CNBD2: variants seen among roughly 807,000 people sequenced by gnomAD.
The protein encoded by CNBD2 is cyclic nucleotide-binding domain-containing protein 2.
CNBD2 carries 64 observed loss-of-function variants against 63.7 expected under a neutral mutation model. The observed-to-expected ratio is 1.00, with a 90% CI of 0.82 to 1.24. CNBD2 has a LOEUF of 1.24. Among genes scored for constraint, CNBD2 ranks in the 50% most tolerant of loss-of-function variants. The pLI is 0.00. For synonymous variants in CNBD2, 229 were observed against 255.4 expected, an observed-to-expected ratio of 0.90 and a Z score of 0.99; for missense variants, 691 against 713.5, an observed-to-expected ratio of 0.97 and a Z score of 0.36.
chr20:35,965,659 ACTTT>A (rs1412110560), upstream of CNBD2, among the ~76,000 whole-genome samples: 3 of 152,162 alleles, frequency 2.0e-5, no homozygotes, highest in African/African-American at 7.2e-5. Context: ...GAGAAATGAA[ACTTT>A]CTTAGTTTCT....
intron 2 of CNBD2, 177 bp downstream of exon 2, chr20:35,972,943 C>G: frequency 1.6e-6 from 1 of 636,622 alleles, no homozygotes; most frequent in East Asian, 2.7e-5. Context: ...CTTACATCAT[C>G]AACCAAGAGG....
At position 35,984,916 on chromosome 20, in the gene CNBD2, C is replaced by T; in HGVS notation, c.716+138C>T. ...GATGCTCTGAAGTCCCACCTCGTAC[C>T]CACCTTCTCTCTCTGCAGACTCCTA... On this transcript the variant is annotated intron_variant, in intron 6 of 11. Coordinates refer to ENST00000373973, the MANE Select transcript of CNBD2 (RefSeq NM_001365709.1). 5 of 787,460 alleles carry T rather than the reference C, an allele frequency of 6.3e-6. No homozygotes were observed. The Middle Eastern group carries it at 7.1e-4, about 111-fold the overall frequency. The allele number at this position is 787,460 out of a possible 1,614,324, so 48.8% of individuals were successfully genotyped here. A position where few individuals can be genotyped will look rare whatever the true frequency, so the allele number is the denominator to read the frequency against.
chr20:36,001,998 G>A (rs1443664698), intron 8 of CNBD2, among the ~76,000 whole-genome samples: 2 of 152,004 alleles, frequency 1.3e-5, no homozygotes, highest in African/African-American at 2.4e-5. Context: ...ACGGGGTGGC[G>A]GCCGGGCAGA....
At chr20:36,021,322 G>A (rs968623956) in intron 10 of CNBD2, among the ~76,000 whole-genome samples, 20 of 152,284 alleles carry the variant, frequency 1.3e-4, no homozygotes, top group African/African-American at 4.3e-4. Context: ...GACAAATATT[G>A]TATGTTCTCA....
chr20:35,983,908 C>T (rs2056629560), intron 4 of CNBD2, 74 bp from the exon 5 acceptor site: 2 of 1,555,412 alleles, frequency 1.3e-6, no homozygotes, highest in African/African-American at 1.4e-5. Context: ...AGAGCACAAC[C>T]AGTCCAGAGC....
At chr20:36,001,582 G>A in intron 8 of CNBD2, among the ~76,000 whole-genome samples, 1 of 143,860 alleles carries the variant, frequency 7.0e-6, no homozygotes, top group Admixed American at 6.9e-5. Flanking sequence ...CGGGCGGAGG[G>A]GCTCCTCACT....
In CNBD2 at chr20:36,023,638, G is replaced by A. The variant is rs748255965; in HGVS notation, c.1306G>A (p.Asp436Asn). 1.6e-5 allele frequency: 26 copies of A among 1,611,250 alleles called. No homozygotes were observed. Among genetic ancestry groups the A allele is most frequent in the Admixed American group, 8.4e-5 (5 of 59,572 alleles). ...GGCCTTCCTTCCAGAGGGTGAATGC[G>A]ACACACGACCCTTGATCCTGATGAG... is the stretch of plus-strand genomic sequence containing the variant. ...HQAFLPEGEC[D>N]TRPLILMSLG... Residue 436 changes from aspartate to asparagine, a missense_variant, in exon 11 of 12, where the codon GAC becomes AAC. Physicochemically the swap from Asp to Asn is conservative, Grantham distance 23. Coordinates refer to ENST00000373973, the MANE Select transcript of CNBD2 (RefSeq NM_001365709.1).
At chr20:36,005,848 G>A (rs915767154) in intron 8 of CNBD2, among the ~76,000 whole-genome samples, 1 of 151,722 alleles carries the variant, frequency 6.6e-6, no homozygotes, top group African/African-American at 2.4e-5. Context: ...CTACTTGGGA[G>A]GCTGAGGCAG....
chr20:35,955,990 G>A (rs2056252912), downstream of CNBD2, among the ~76,000 whole-genome samples: 1 of 152,138 alleles, frequency 6.6e-6, no homozygotes, highest in Admixed American at 6.5e-5. Flanking sequence ...CAAAGTGCTG[G>A]CATTACAGGC....
rs761376465 is a variant in CNBD2 at position 36,008,457 on chromosome 20, G to T, written c.1131G>T (p.Met377Ile). The T allele has an allele frequency of 2.5e-6, 4 of 1,610,894 alleles. No homozygotes were observed. In the South Asian group the frequency reaches 3.3e-5, roughly 13 times the overall value. The change falls in exon 9 of 12, where the codon ATG becomes ATT. Residue 377 changes from methionine (M) to isoleucine (I), a missense_variant. Met to Ile is a conservative substitution (Grantham distance 10, BLOSUM62 1). Coordinates refer to ENST00000373973, the MANE Select transcript of CNBD2 (RefSeq NM_001365709.1). ...CCTCAGGAGACACTCTCCCCAAGAT[G>T]CTGGGCCCGAAGATCCAGTAAGCTC... ...IRTSGDTLPKMLGPKIQSRPA... is the reference protein window; with the variant it reads ...IRTSGDTLPKILGPKIQSRPA...
intron 10 of CNBD2, among the ~76,000 whole-genome samples, chr20:36,015,491 A>G (rs1210688352): frequency 2.0e-5 from 3 of 152,200 alleles, no homozygotes; most frequent in Non-Finnish European, 4.4e-5. Context: ...CAGTTTCCCA[A>G]TAAAAGGAAC....
Position 36,008,397 on chromosome 20 carries a change from G to T in CNBD2, c.1071G>T (p.Gly357=). Residue 357 remains glycine (G), a synonymous_variant, in exon 9 of 12, where the codon GGG becomes GGT. Coordinates refer to ENST00000373973, the MANE Select transcript of CNBD2 (RefSeq NM_001365709.1). ...TTCCACATCTCAAAAAAGCCTGGGGGCTACAGGGGACAAGCTTCAGCAGGA... is the reference window on the plus strand; with the variant it reads ...TTCCACATCTCAAAAAAGCCTGGGGTCTACAGGGGACAAGCTTCAGCAGGA... The part of the protein sequence containing the change: ...LKLPHLKKAW[G]LQGTSFSRKI... The T allele has an allele frequency of 4.3e-6, 7 of 1,614,070 alleles. No homozygotes were observed. The highest frequency in any genetic ancestry group is 1.1e-5 in the South Asian group (1 of 91,072).
Position 35,980,577 on chromosome 20 carries a change from C to T in CNBD2, c.362C>T (p.Ala121Val). ...GTTCTGGATAGCTATCGGAACTACG[C>T]AGAGCCCCTGCAGCTGCTCCTGGCC... is the stretch of plus-strand genomic sequence containing the variant. ...LQVLDSYRNY[A>V]EPLQLLLAKV... Residue 121 changes from alanine to valine, a missense_variant, in exon 4 of 12, where the codon GCA (alanine) becomes GTA (valine). Physicochemically the swap from Ala to Val is moderately conservative, Grantham distance 64. Transcript: ENST00000373973. 1 of 1,614,020 alleles carries T rather than the reference C, an allele frequency of 6.2e-7. No homozygotes were observed. Among genetic ancestry groups the T allele is most frequent in the South Asian group, 1.1e-5 (1 of 91,074 alleles).
At chr20:36,006,342 T>A (rs2056985232) in intron 8 of CNBD2, among the ~76,000 whole-genome samples, 1 of 152,290 alleles carries the variant, frequency 6.6e-6, no homozygotes, top group East Asian at 1.9e-4. Flanking sequence ...ATCTCTTTTT[T>A]AATCAATGTT....
chr20:35,970,552 A>G (rs941442184), intron 1 of CNBD2, among the ~76,000 whole-genome samples: 14 of 151,320 alleles, frequency 9.3e-5, no homozygotes, highest in Non-Finnish European at 1.5e-5. Flanking sequence ...GCCCACCACC[A>G]CGCCCGGCTA....
At chr20:35,959,245 G>T (rs2056287165), downstream of CNBD2, among the ~76,000 whole-genome samples, 1 of 152,146 alleles carries the variant, frequency 6.6e-6, no homozygotes, top group Non-Finnish European at 1.5e-5. Flanking sequence ...AAAACCGATG[G>T]TTATGAAGAG....
At chr20:35,967,544 TAAAAAA>T (rs563739384), upstream of CNBD2, among the ~76,000 whole-genome samples, 1 of 119,968 alleles carries the variant, frequency 8.3e-6, no homozygotes, top group South Asian at 2.9e-4. Flanking sequence ...ACTGCTTTCT[TAAAAAA>T]AAAAAAAAAA....
In CNBD2 at chr20:36,011,253, T is replaced by C. The variant is rs1223150909; in HGVS notation, c.1265T>C (p.Ile422Thr). The change falls in exon 10 of 12, where the codon ATT becomes ACT. Residue 422 changes from isoleucine (I) to threonine (T), a missense_variant. By Grantham distance (89) the Ile-to-Thr change is moderately conservative (BLOSUM62 -1). Coordinates refer to ENST00000373973, the MANE Select transcript of CNBD2 (RefSeq NM_001365709.1). ...GTGCACACTGTGGAGCAGGGAGAAA[T>C]TTTGGTGAGTGTGCCAAGAGCTCTG... ...VKVHTVEQGE[I>T]LGLHQAFLPE... The C allele has an allele frequency of 6.4e-7, 1 of 1,552,650 alleles. No homozygotes were observed. Among genetic ancestry groups the C allele is most frequent in the South Asian group, 1.2e-5 (1 of 81,558 alleles).
intron 9 of CNBD2, among the ~76,000 whole-genome samples, chr20:36,010,216 G>A (rs1214881897): frequency 6.6e-6 from 1 of 152,072 alleles, no homozygotes; most frequent in Non-Finnish European, 1.5e-5. Context: ...AAATTGAAGT[G>A]TCATAATGAG....
Sources: allele counts gnomAD v4.1 joint callset (sites outside exome capture counted in the v4.1 genomes callset), GRCh38; gene constraint gnomAD v4.1.1; transcripts MANE v1.5; gene names NCBI Gene and HGNC (gene_info 2026-07-23, HGNC 2026-07-21).